ZBTB20: variants seen among roughly 807,000 people sequenced by gnomAD.
ZBTB20 encodes zinc finger and BTB domain-containing protein 20.
A neutral mutation model predicts 56.9 loss-of-function variants in ZBTB20; 9 were observed. That is an observed-to-expected ratio of 0.16 (90% CI 0.10 to 0.28). The LOEUF is 0.28. ZBTB20 is among the 10% of genes least tolerant of loss of function. The pLI, the probability that ZBTB20 is intolerant of heterozygous loss-of-function variation, is 1.00. For synonymous variants in ZBTB20, 417 were observed against 420.7 expected, an observed-to-expected ratio of 0.99 and a Z score of 0.11; for missense variants, 655 against 1,003.0, an observed-to-expected ratio of 0.65 and a Z score of 4.69.
At position 115,146,989 on chromosome 3, in the gene ZBTB20, CGGGCGGGGCG is replaced by C. The variant is rs547943376; in HGVS notation, c.-703+220_-703+229del. Among the ~76,000 whole-genome samples the C allele has an allele frequency of 5.3e-3, 788 of 149,016 alleles. 5 individuals carry two copies. The highest frequency in any genetic ancestry group is 0.016 in the African/African-American group (657 of 40,852). On this transcript the variant is annotated intron_variant, in intron 1 of 11. Transcript: ENST00000675478. ...AAGAAGGGCGCCGGGGGAGGGGGCG[CGGGCGGGGCG>C]GGGCGGGGCGGGGCGCGGGGGCGCG...
intron 2 of ZBTB20, among the ~76,000 whole-genome samples, chr3:115,061,741 AT>A (rs2082019042): frequency 6.6e-6 from 1 of 152,218 alleles, no homozygotes; most frequent in Non-Finnish European, 1.5e-5. Flanking sequence ...ACCAAAAAAA[AT>A]CAGAACACAT....
chr3:114,937,354 T>G (rs1260225371), intron 3 of ZBTB20, among the ~76,000 whole-genome samples: 2 of 152,192 alleles, frequency 1.3e-5, no homozygotes, highest in African/African-American at 4.8e-5. Context: ...TGGTTTGCAT[T>G]TCTCTAATAA....
intron 2 of ZBTB20, among the ~76,000 whole-genome samples, chr3:115,054,163 A>G (rs192403006): frequency 1.6e-4 from 24 of 152,010 alleles, no homozygotes; most frequent in Admixed American, 1.6e-3. Context: ...ATGAAGAAAC[A>G]AACTATAGAG....
At chr3:114,458,554 TC>T (rs2092158790) in intron 7 of ZBTB20, among the ~76,000 whole-genome samples, 1 of 152,168 alleles carries the variant, frequency 6.6e-6, no homozygotes, top group Admixed American at 6.6e-5. Flanking sequence ...GATGACCTGC[TC>T]ATGATAAGCT....
intron 4 of ZBTB20, among the ~76,000 whole-genome samples, chr3:114,850,799 C>A (rs1036702847): frequency 7.2e-5 from 11 of 152,138 alleles, no homozygotes; most frequent in African/African-American, 2.7e-4. Context: ...TGATCTAACC[C>A]ATGGCCTAAA....
chr3:115,057,331 T>C (rs1227131016), intron 2 of ZBTB20, among the ~76,000 whole-genome samples: 2 of 152,100 alleles, frequency 1.3e-5, no homozygotes, highest in African/African-American at 4.8e-5. Flanking sequence ...ATCTCTATTT[T>C]GGCCTTACTG....
rs1560420562 is a variant in ZBTB20 at position 114,940,372 on chromosome 3, G to A, written c.-456+33994C>T. Among the ~76,000 whole-genome samples, 3 of 128,778 alleles carry A rather than the reference G, an allele frequency of 2.3e-5. No individual in the cohort carries two copies. In the South Asian group the frequency reaches 7.8e-4, roughly 34 times the overall value. 84.5% of individuals were successfully genotyped at this position (128,778 alleles called of 152,430 possible). A position where few individuals can be genotyped will look rare whatever the true frequency, so the allele number is the denominator to read the frequency against. On this transcript the variant is annotated intron_variant, in intron 3 of 11. Transcript: ENST00000675478. ...TAATTCATATAAACTAAGAAAGGAG[G>A]AATTATTCATTCATTTCTGATTTTT...
chr3:115,035,008 C>T (rs533539309), intron 2 of ZBTB20, among the ~76,000 whole-genome samples: 1 of 152,050 alleles, frequency 6.6e-6, no homozygotes, highest in East Asian at 1.9e-4. Context: ...AGTGGGTATC[C>T]ACATGCAAAA....
intron 4 of ZBTB20, among the ~76,000 whole-genome samples, chr3:114,805,681 T>G (rs2072050773): frequency 6.6e-6 from 1 of 151,864 alleles, no homozygotes; most frequent in Non-Finnish European, 1.5e-5. Flanking sequence ...TAAGTAAATT[T>G]AGAGTTGTAT....
At chr3:115,095,243 T>C (rs1489138944) in intron 1 of ZBTB20, among the ~76,000 whole-genome samples, 3 of 152,166 alleles carry the variant, frequency 2.0e-5, no homozygotes, top group African/African-American at 4.8e-5. Context: ...AATGAACTCA[T>C]AGTCCTTGTT....
intron 3 of ZBTB20, among the ~76,000 whole-genome samples, chr3:114,909,038 A>T (rs1365113200): frequency 1.3e-5 from 2 of 152,026 alleles, no homozygotes; most frequent in Non-Finnish European, 2.9e-5. Flanking sequence ...TCTTTTCCAA[A>T]ACTGATAAAA....
At chr3:114,927,288 G>A (rs565118798) in intron 3 of ZBTB20, among the ~76,000 whole-genome samples, 2 of 152,192 alleles carry the variant, frequency 1.3e-5, no homozygotes, top group African/African-American at 2.4e-5. Flanking sequence ...CTGCCCTTAC[G>A]AACCGAACCA....
intron 7 of ZBTB20, among the ~76,000 whole-genome samples, chr3:114,430,048 C>G (rs2090005837): frequency 6.6e-6 from 1 of 152,044 alleles, no homozygotes. Context: ...TATGGCAAAG[C>G]ACAATGATTT....
intron 7 of ZBTB20, among the ~76,000 whole-genome samples, chr3:114,394,193 C>T (rs1031203362): frequency 6.6e-6 from 1 of 152,146 alleles, no homozygotes; most frequent in South Asian, 2.1e-4. Flanking sequence ...CATAGCAATG[C>T]TATGGTGTAT....
chr3:114,714,686 G>C (rs1226825090), intron 5 of ZBTB20, among the ~76,000 whole-genome samples: 3 of 152,162 alleles, frequency 2.0e-5, no homozygotes, highest in Non-Finnish European at 4.4e-5. Context: ...GGTGCAGGCT[G>C]TACCACTGTG....
At chr3:115,106,717 G>T (rs1407140020) in intron 1 of ZBTB20, among the ~76,000 whole-genome samples, 1 of 152,096 alleles carries the variant, frequency 6.6e-6, no homozygotes, top group Non-Finnish European at 1.5e-5. Context: ...CTAAGTCATT[G>T]GAAGTACATT....
At chr3:114,967,003 A>C (rs1218191159) in intron 3 of ZBTB20, among the ~76,000 whole-genome samples, 1 of 152,162 alleles carries the variant, frequency 6.6e-6, no homozygotes, top group African/African-American at 2.4e-5. Context: ...TTCTGTTATG[A>C]AACACATCAC....
At chr3:114,481,192 G>A (rs2041499496) in intron 7 of ZBTB20, among the ~76,000 whole-genome samples, 1 of 151,308 alleles carries the variant, frequency 6.6e-6, no homozygotes, top group Non-Finnish European at 1.5e-5. Context: ...CGGTTTGAGT[G>A]CCTTGAGATC....
At chr3:114,922,617 A>C (rs1266193504) in intron 3 of ZBTB20, among the ~76,000 whole-genome samples, 3 of 152,150 alleles carry the variant, frequency 2.0e-5, no homozygotes, top group Non-Finnish European at 2.9e-5. Flanking sequence ...AAAGAGAAAA[A>C]GTTTTTTTGG....
Sources: gnomAD v4.1 joint callset for allele counts (sites outside exome capture counted in the v4.1 genomes callset) on GRCh38, gnomAD v4.1.1 for gene constraint, MANE v1.5 for transcripts, NCBI Gene and HGNC (gene_info 2026-07-23, HGNC 2026-07-21) for gene names.